Variants in CLSTN1 observed in about 807,000 individuals in gnomAD.
The protein encoded by CLSTN1 is calsyntenin 1.
CLSTN1 carries 28 observed loss-of-function variants against 108.3 expected under a neutral mutation model. That is an observed-to-expected ratio of 0.26 (90% CI 0.19 to 0.35). CLSTN1 has a LOEUF of 0.35. Among genes scored for constraint, CLSTN1 ranks in the 10% least tolerant of loss-of-function variants. CLSTN1 has a pLI of 1.00. For missense variants in CLSTN1, 1,157 were observed against 1,302.6 expected (o/e 0.89, Z 1.72); for synonymous variants, 524 against 534.9 (o/e 0.98, Z 0.28).
At chr1:9,770,497 G>A (rs1458242786) in intron 2 of CLSTN1, among the ~76,000 whole-genome samples, 2 of 152,170 alleles carry the variant, frequency 1.3e-5, no homozygotes, top group Non-Finnish European at 2.9e-5. Context: ...CAGCTGTCCC[G>A]CCTGGGCTGG....
intron 2 of CLSTN1, among the ~76,000 whole-genome samples, chr1:9,763,870 C>G (rs1175212418): frequency 6.6e-6 from 1 of 152,150 alleles, no homozygotes; most frequent in Non-Finnish European, 1.5e-5. Flanking sequence ...GGACTCAAGC[C>G]CTGTAAACCA....
At chr1:9,822,840 G>A (rs1030040434) in intron 1 of CLSTN1, among the ~76,000 whole-genome samples, 4 of 152,016 alleles carry the variant, frequency 2.6e-5, no homozygotes, top group African/African-American at 9.7e-5. Context: ...AACCAGAGAG[G>A]TTTCTCGTTT....
intron 1 of CLSTN1, among the ~76,000 whole-genome samples, chr1:9,794,720 AG>A (rs1392767150): frequency 5.9e-5 from 9 of 151,628 alleles, no homozygotes; most frequent in African/African-American, 2.2e-4. Context: ...AATATGGGCT[AG>A]GTCTGGCCTT....
In CLSTN1 at chr1:9,729,360, T is replaced by C. The variant is rs1650200644; in HGVS notation, c.*1148A>G. The C allele has an allele frequency of 6.6e-6, 1 of 152,606 alleles. No homozygotes were observed. The highest frequency in any genetic ancestry group is 1.5e-5 in the Non-Finnish European group (1 of 68,028). The allele number at this position is 152,606 out of a possible 1,614,324, so 9.5% of individuals were successfully genotyped here. A position where few individuals can be genotyped will look rare whatever the true frequency, so the allele number is the denominator to read the frequency against. The stretch of plus-strand genomic sequence containing the variant: ...TGACTGTTTGTTTGCTCTCCTGCCC[T>C]ACCACCAAGCAAAGCAGCAGGGCTC... On this transcript the variant is annotated 3_prime_UTR_variant, in exon 19 of 19. Coordinates refer to ENST00000377298, the MANE Select transcript of CLSTN1 (RefSeq NM_001009566.3).
rs1650759953 is a variant in CLSTN1, at chr1:9,737,563, A to G, written c.1520-9T>C. The G allele has an allele frequency of 1.2e-6, 2 of 1,613,644 alleles. No homozygotes were observed. The highest frequency in any genetic ancestry group is 8.5e-7 in the Non-Finnish European group (1 of 1,179,540). On this transcript the variant is annotated splice_polypyrimidine_tract_variant and intron_variant, in intron 10 of 18. Coordinates refer to ENST00000377298, the MANE Select transcript of CLSTN1 (RefSeq NM_001009566.3). ...TTCAACTCCTGAAAACTCTGTGGAA[A>G]AGCAAGACAAAGACAATAGAAAAGG...
intron 10 of CLSTN1, among the ~76,000 whole-genome samples, chr1:9,738,882 C>A (rs1423032712): frequency 6.6e-6 from 1 of 152,150 alleles, no homozygotes; most frequent in Non-Finnish European, 1.5e-5. Context: ...ATTCTCCTGA[C>A]CTTGAGTGAT....
intron 1 of CLSTN1, among the ~76,000 whole-genome samples, chr1:9,822,649 A>C (rs1023907794): frequency 2.6e-5 from 4 of 152,200 alleles, no homozygotes. Flanking sequence ...TTCAAGATCC[A>C]CTCAGAAGCA....
chr1:9,748,128 C>T (rs894050248), intron 7 of CLSTN1, among the ~76,000 whole-genome samples: 8 of 152,020 alleles, frequency 5.3e-5, no homozygotes, highest in African/African-American at 1.7e-4. Flanking sequence ...AGAAAATGCT[C>T]CCTGAAAAGC....
chr1:9,806,070 G>A (rs1456950292), intron 1 of CLSTN1, among the ~76,000 whole-genome samples: 2 of 151,234 alleles, frequency 1.3e-5, no homozygotes, highest in African/African-American at 2.4e-5. Flanking sequence ...CAGGTGGATC[G>A]CTTGAGGTCA....
At chr1:9,790,070 G>C (rs530622130) in intron 1 of CLSTN1, among the ~76,000 whole-genome samples, 2 of 151,316 alleles carry the variant, frequency 1.3e-5, no homozygotes, top group East Asian at 3.9e-4. Context: ...ACCTAATCAG[G>C]GTTCCTATTT....
intron 1 of CLSTN1, among the ~76,000 whole-genome samples, chr1:9,796,299 A>AC (rs1466956013): frequency 6.7e-6 from 1 of 148,856 alleles, no homozygotes; most frequent in Non-Finnish European, 1.5e-5. Flanking sequence ...ACAAAACAAA[A>AC]AAAAAAAAAC....
At chr1:9,738,387 G>C (rs1650801101) in intron 10 of CLSTN1, among the ~76,000 whole-genome samples, 1 of 152,170 alleles carries the variant, frequency 6.6e-6, no homozygotes, top group Non-Finnish European at 1.5e-5. Context: ...TGGTGTGCTA[G>C]GGCCCCTTTT....
At chr1:9,802,251 A>T (rs1349396851) in intron 1 of CLSTN1, among the ~76,000 whole-genome samples, 1 of 152,184 alleles carries the variant, frequency 6.6e-6, no homozygotes, top group Non-Finnish European at 1.5e-5. Context: ...CTTTCTGACA[A>T]GGAATGCTTC....
intron 1 of CLSTN1, among the ~76,000 whole-genome samples, chr1:9,812,618 G>A (rs192126310): frequency 2.0e-5 from 3 of 152,182 alleles, no homozygotes; most frequent in East Asian, 3.9e-4. Flanking sequence ...AGGCCGAGGC[G>A]GGCAGAACAC....
rs1405256851 is a variant in CLSTN1 at position 9,733,899 on chromosome 1, G to A, written c.2281+73C>T. The A allele has an allele frequency of 3.4e-6, 5 of 1,455,168 alleles. No homozygotes were observed. In the African/African-American group the frequency reaches 4.2e-5, roughly 12 times the overall value. 90.1% of individuals were successfully genotyped at this position (1,455,168 alleles called of 1,614,324 possible). On this transcript the variant is annotated intron_variant, in intron 15 of 18. Coordinates refer to ENST00000377298, the MANE Select transcript of CLSTN1 (RefSeq NM_001009566.3). Reference sequence around the variant, plus strand: ...ACTCAACATTCTCAGATGGCAGGCAGCAGCCAGCCAAGAGCTCTCAAAGTC... The same window carrying A: ...ACTCAACATTCTCAGATGGCAGGCAACAGCCAGCCAAGAGCTCTCAAAGTC...
intron 1 of CLSTN1, among the ~76,000 whole-genome samples, chr1:9,798,877 G>GC (rs1163373342): frequency 6.6e-6 from 1 of 152,090 alleles, no homozygotes; most frequent in Non-Finnish European, 1.5e-5. Flanking sequence ...GGCAATTGCT[G>GC]CCCCCCAAAA....
intron 18 of CLSTN1, 153 bp downstream of exon 18, chr1:9,731,053 C>G: frequency 1.2e-6 from 1 of 863,146 alleles, no homozygotes; most frequent in South Asian, 1.5e-5. Context: ...CTCTCAGCCT[C>G]GGTTTACCCA....
In CLSTN1 at chr1:9,744,408, A is replaced by G. The variant is rs36003711; in HGVS notation, c.1221T>C (p.Ser407=). ...FGRKKETILC[S]SDKTDMNRHH... ...CTATTACCCTACCTGTTTTATCAGA[A>G]CTGCAAAGAATTGTCTCCTTCTTCC... Residue 407 remains serine (S), a synonymous_variant, in exon 8 of 19, where the codon AGT becomes AGC. Coordinates refer to ENST00000377298, the MANE Select transcript of CLSTN1 (RefSeq NM_001009566.3). 31 of 1,609,798 alleles carry G rather than the reference A, an allele frequency of 1.9e-5. No individual in the cohort carries two copies. The African/African-American group carries it at 2.9e-4, about 15-fold the overall frequency.
chr1:9,760,069 T>TGTTG (rs1021326927), intron 2 of CLSTN1, among the ~76,000 whole-genome samples: 1 of 152,134 alleles, frequency 6.6e-6, no homozygotes, highest in African/African-American at 2.4e-5. Context: ...ATTTCCTGCT[T>TGTTG]GTTGGTTGGT....
Sources: gnomAD v4.1 joint callset for allele counts (sites outside exome capture counted in the v4.1 genomes callset) on GRCh38, gnomAD v4.1.1 for gene constraint, MANE v1.5 for transcripts, NCBI Gene and HGNC (gene_info 2026-07-23, HGNC 2026-07-21) for gene names.